Variants in HMSD observed in about 807,000 individuals in gnomAD.
HMSD encodes serpin-like protein HMSD.
HMSD carries 13 observed loss-of-function variants against 10.0 expected under a neutral mutation model. That is an observed-to-expected ratio of 1.31 (90% CI 0.85 to 2.08). The LOEUF is 2.08. Ranked by LOEUF, HMSD falls within the 30% of genes most tolerant of loss-of-function variation. The pLI, the probability that HMSD is intolerant of heterozygous loss-of-function variation, is 0.00. For synonymous variants in HMSD, 51 were observed against 54.2 expected (o/e 0.94, Z 0.26); for missense variants, 169 against 166.3 (o/e 1.02, Z -0.09).
rs1002725522 is a variant in HMSD, at chr18:63,957,313, A to T, written c.222+2756A>T. On this transcript the variant is annotated intron_variant, in intron 3 of 3. Transcript: ENST00000408945. The stretch of plus-strand genomic sequence containing the variant: ...TACAAAACAAGAGAAGCAACAAAAA[A>T]AAAAAATAAAAACTTTTGATTATAA... 3.3e-5 allele frequency among the ~76,000 whole-genome samples: 5 copies of T among 152,328 alleles called. No homozygotes were observed. In the East Asian group the frequency reaches 7.7e-4, roughly 23 times the overall value.
chr18:63,959,862 G>A (rs913716888), intron 3 of HMSD, among the ~76,000 whole-genome samples: 3 of 152,102 alleles, frequency 2.0e-5, no homozygotes, highest in African/African-American at 7.2e-5. Context: ...TGTCTTCTTG[G>A]AGATTTCTCA....
At chr18:63,949,835 C>G (rs915671723) in intron 1 of HMSD, among the ~76,000 whole-genome samples, 1 of 152,154 alleles carries the variant, frequency 6.6e-6, no homozygotes, top group Non-Finnish European at 1.5e-5. Context: ...TACCGAAACT[C>G]GTATGCTCTC....
At position 63,960,146 on chromosome 18, in the gene HMSD, G is replaced by T; in HGVS notation, c.223-12G>T. 1 of 1,605,904 alleles carries T rather than the reference G, an allele frequency of 6.2e-7. No homozygotes were observed. Among genetic ancestry groups the T allele is most frequent in the South Asian group, 1.1e-5 (1 of 88,490 alleles). ...TCTGTAGCTGTGAAATTATGTTTTT[G>T]GTTTTTCCTAGGGTTTTACAGATTC... On this transcript the variant is annotated splice_polypyrimidine_tract_variant and intron_variant, in intron 3 of 3. Coordinates refer to ENST00000408945, the MANE Select transcript of HMSD (RefSeq NM_001123366.2).
intron 1 of HMSD, among the ~76,000 whole-genome samples, chr18:63,951,703 A>G (rs1226534558): frequency 6.6e-6 from 1 of 152,238 alleles, no homozygotes; most frequent in Non-Finnish European, 1.5e-5. Flanking sequence ...TTTAGTTGCA[A>G]TAAGGCAAAC....
At chr18:63,953,560 G>A (rs779957261) in intron 2 of HMSD, 33 bp downstream of exon 2, 38 of 1,545,510 alleles carry the variant, frequency 2.5e-5, no homozygotes, top group African/African-American at 4.1e-5. Flanking sequence ...AACAATAAGT[G>A]CTATCAATTT....
At chr18:63,965,444 A>G (rs1007912280), downstream of HMSD, among the ~76,000 whole-genome samples, 5 of 152,192 alleles carry the variant, frequency 3.3e-5, no homozygotes, top group Admixed American at 2.6e-4. Flanking sequence ...GTCACTTAAT[A>G]CTTCCCCTTA....
intron 3 of HMSD, among the ~76,000 whole-genome samples, chr18:63,959,337 G>C (rs1568260157): frequency 6.6e-6 from 1 of 152,156 alleles, no homozygotes; most frequent in Admixed American, 6.5e-5. Flanking sequence ...CCAGCATTTA[G>C]TGTTGTCAGT....
chr18:63,966,124 T>A (rs1173568093), downstream of HMSD, among the ~76,000 whole-genome samples: 1 of 152,160 alleles, frequency 6.6e-6, no homozygotes, highest in Non-Finnish European at 1.5e-5. Flanking sequence ...TCTCCCTAAG[T>A]GGAACACTGG....
chr18:63,954,663 C>G (rs764282333), intron 3 of HMSD, 106 bp downstream of exon 3: 1 of 899,024 alleles, frequency 1.1e-6, no homozygotes, highest in Non-Finnish European at 1.7e-6. Flanking sequence ...ACTCAGAACT[C>G]CACGCACGAA....
chr18:63,954,334 G>C, intron 2 of HMSD, 74 bp from the exon 3 acceptor site: 1 of 1,025,488 alleles, frequency 9.8e-7, no homozygotes, highest in Non-Finnish European at 1.5e-6. Context: ...ATATTGCTGA[G>C]TTTACTGTTG....
Position 63,960,611 on chromosome 18 carries a change from GT to G in HMSD, c.*259del. The stretch of plus-strand genomic sequence containing the variant: ...CTCACTGGTATTGCCATACTGTATG[GT>G]TTACAGGCTTGAAATGCAACTGCTG... On this transcript the variant is annotated 3_prime_UTR_variant, in exon 4 of 4. Transcript: ENST00000408945. The G allele has an allele frequency of 2.6e-6, 1 of 378,566 alleles. No individual in the cohort carries two copies. Among genetic ancestry groups the G allele is most frequent in the Non-Finnish European group, 4.6e-6 (1 of 216,178 alleles). The allele number at this position is 378,566 out of a possible 1,614,324, so 23.5% of individuals were successfully genotyped here.
downstream of HMSD, among the ~76,000 whole-genome samples, chr18:63,964,404 G>A (rs993861926): frequency 6.6e-6 from 1 of 152,150 alleles, no homozygotes; most frequent in African/African-American, 2.4e-5. Flanking sequence ...ACTGGGCATG[G>A]TGGCACCTGC....
intron 2 of HMSD, 28 bp downstream of exon 2, chr18:63,953,555 T>G: frequency 6.4e-7 from 1 of 1,561,160 alleles, no homozygotes; most frequent in Non-Finnish European, 8.8e-7. Context: ...AAGACAACAA[T>G]AAGTGCTATC....
chr18:63,966,167 C>T (rs8088273), downstream of HMSD, among the ~76,000 whole-genome samples: 2 of 152,258 alleles, frequency 1.3e-5, no homozygotes, highest in East Asian at 3.9e-4. Context: ...TGTGGGTTTT[C>T]GTGGAGACAA....
chr18:63,957,493 G>A (rs1043896068), intron 3 of HMSD, among the ~76,000 whole-genome samples: 5 of 152,130 alleles, frequency 3.3e-5, no homozygotes, highest in Admixed American at 3.3e-4. Context: ...CTCTTACTGT[G>A]ATATGTATTT....
At position 63,960,702 on chromosome 18, in the gene HMSD, G is replaced by A. The variant is rs116973353; in HGVS notation, c.*347G>A. 7.1e-4 allele frequency: 133 copies of A among 188,500 alleles called. 2 individuals carry two copies. In the East Asian group the frequency reaches 0.018, roughly 26 times the overall value. 11.7% of individuals were successfully genotyped at this position (188,500 alleles called of 1,614,324 possible). On this transcript the variant is annotated 3_prime_UTR_variant, in exon 4 of 4. Transcript: ENST00000408945. ...ACAGGGAGAGTTATATTGTTTTCTA[G>A]GGCACAGCTAAAAAGACATTCCATC... is the stretch of plus-strand genomic sequence containing the variant.
In HMSD at chr18:63,953,428, AC is replaced by A; in HGVS notation, c.-27del. Reference sequence around the variant, plus strand: ...AACCTTTTGAAAAAGCTAGGGGAAAACAACTCAAACAACTTATTTTTTTCCC... The same window carrying A: ...AACCTTTTGAAAAAGCTAGGGGAAAAAACTCAAACAACTTATTTTTTTCCC... On this transcript the variant is annotated 5_prime_UTR_variant, in exon 2 of 4. Coordinates refer to ENST00000408945, the MANE Select transcript of HMSD (RefSeq NM_001123366.2). 2 of 1,598,452 alleles carry A rather than the reference AC, an allele frequency of 1.3e-6. No homozygotes were observed. Among genetic ancestry groups the A allele is most frequent in the Non-Finnish European group, 1.7e-6 (2 of 1,167,330 alleles).
chr18:63,968,896 G>C (rs1250189612), intron 3 of HMSD: 1 of 152,190 alleles, frequency 6.6e-6, no homozygotes, highest in Admixed American at 6.5e-5. Flanking sequence ...ATTGAGGAGA[G>C]TTCTTGGGAA....
intron 1 of HMSD, among the ~76,000 whole-genome samples, chr18:63,951,053 T>C (rs1036898952): frequency 1.3e-5 from 2 of 152,258 alleles, no homozygotes; most frequent in African/African-American, 4.8e-5. Context: ...ATCACTGTTG[T>C]ACAGTTGTAT....
Sources: gnomAD v4.1 joint callset for allele counts (sites outside exome capture counted in the v4.1 genomes callset) on GRCh38, gnomAD v4.1.1 for gene constraint, MANE v1.5 for transcripts, NCBI Gene and HGNC (gene_info 2026-07-23, HGNC 2026-07-21) for gene names.